The following FAM107B variants were observed in gnomAD, a reference collection of about 807,000 sequenced individuals.
The protein encoded by FAM107B is protein FAM107B.
FAM107B carries 21 observed loss-of-function variants against 31.5 expected under a neutral mutation model. That is an observed-to-expected ratio of 0.67 (90% CI 0.47 to 0.96). The LOEUF is 0.96. Ranked by LOEUF, FAM107B falls within the 40% of genes least tolerant of loss-of-function variation. The pLI, the probability that FAM107B is intolerant of heterozygous loss-of-function variation, is 0.00. For missense variants in FAM107B, 452 were observed against 377.1 expected, an observed-to-expected ratio of 1.20 and a Z score of -1.64; for synonymous variants, 157 against 141.5, an observed-to-expected ratio of 1.11 and a Z score of -0.78.
chr10:14,530,587 C>T, intron 2 of FAM107B, 72 bp from the exon 3 acceptor site: 1 of 1,425,604 alleles, frequency 7.0e-7, no homozygotes, highest in Non-Finnish European at 9.7e-7. Flanking sequence ...CAGAGGCCCA[C>T]AGAGCTGTGC....
intron 1 of FAM107B, among the ~76,000 whole-genome samples, chr10:14,669,535 G>A (rs963585318): frequency 6.6e-6 from 1 of 151,948 alleles, no homozygotes; most frequent in African/African-American, 2.4e-5. Flanking sequence ...AAGAAAATGT[G>A]GTAAATATAC....
chr10:14,727,132 T>C (rs1856053532), intron 1 of FAM107B, among the ~76,000 whole-genome samples: 1 of 151,916 alleles, frequency 6.6e-6, no homozygotes, highest in South Asian at 2.1e-4. Context: ...TGACAGGAGG[T>C]GGAGCTCAGG....
intron 1 of FAM107B, among the ~76,000 whole-genome samples, chr10:14,760,483 C>T (rs906241974): frequency 6.6e-5 from 10 of 150,460 alleles, no homozygotes; most frequent in African/African-American, 2.5e-4. Context: ...CAAACAGATG[C>T]ATTTACCTTA....
At chr10:14,750,041 G>A (rs868523443) in intron 1 of FAM107B, among the ~76,000 whole-genome samples, 8 of 152,290 alleles carry the variant, frequency 5.3e-5, no homozygotes, top group South Asian at 4.1e-4. Context: ...AGTTGGAAGC[G>A]AACAGCTCCA....
chr10:14,572,730 A>G (rs1851308383), intron 2 of FAM107B, among the ~76,000 whole-genome samples: 2 of 47,368 alleles, frequency 4.2e-5, no homozygotes, highest in Non-Finnish European at 9.3e-5. Flanking sequence ...TTCAAAAAAA[A>G]AAAAAAATTT....
At chr10:14,558,814 G>A (rs373991218) in intron 2 of FAM107B, among the ~76,000 whole-genome samples, 145 of 152,218 alleles carry the variant, frequency 9.5e-4, no homozygotes, top group African/African-American at 3.4e-3. Flanking sequence ...GTGAAAATGT[G>A]CCTGATGAAC....
chr10:14,667,749 G>A lies in FAM107B; in HGVS notation c.412-58C>T, dbSNP rs369049522. The A allele has an allele frequency of 9.7e-5, 151 of 1,563,864 alleles. No individual in the cohort carries two copies. The African/African-American group carries it at 1.9e-3, about 19-fold the overall frequency. On this transcript the variant is annotated intron_variant, in intron 1 of 4. Coordinates refer to ENST00000181796, the MANE Select transcript of FAM107B (RefSeq NM_031453.4). ...GGAGAAAGTAAAAATATGCATTAAT[G>A]TAAGGCAATACTTTTTGCAAGCCTA...
At chr10:14,609,743 G>A (rs1224015294) in intron 2 of FAM107B, among the ~76,000 whole-genome samples, 2 of 152,228 alleles carry the variant, frequency 1.3e-5, no homozygotes, top group Non-Finnish European at 2.9e-5. Context: ...AACTGGAGAA[G>A]TTGTGTGTAT....
intron 1 of FAM107B, among the ~76,000 whole-genome samples, chr10:14,678,249 C>T (rs748618227): frequency 2.0e-5 from 3 of 152,108 alleles, no homozygotes; most frequent in Non-Finnish European, 4.4e-5. Flanking sequence ...AATAAGGTAA[C>T]GAAGTACCTC....
intron 2 of FAM107B, chr10:14,548,678 A>G: frequency 1.0e-6 from 1 of 983,238 alleles, no homozygotes; most frequent in Non-Finnish European, 1.2e-6. Context: ...GCCTTCCTCC[A>G]TCGCCTCATT....
intron 2 of FAM107B, among the ~76,000 whole-genome samples, chr10:14,540,256 T>C (rs1435276418): frequency 6.6e-6 from 1 of 152,256 alleles, no homozygotes; most frequent in African/African-American, 2.4e-5. Context: ...GCAGTGTCAC[T>C]TGGCCTGTCA....
chr10:14,535,488 A>C (rs1231109001), intron 2 of FAM107B, among the ~76,000 whole-genome samples: 1 of 152,234 alleles, frequency 6.6e-6, no homozygotes, highest in African/African-American at 2.4e-5. Flanking sequence ...GATTTCTTCA[A>C]AACTGTAACT....
intron 2 of FAM107B, chr10:14,556,527 G>A (rs571679408): frequency 9.9e-5 from 50 of 505,514 alleles, no homozygotes; most frequent in East Asian, 9.1e-4. Context: ...AAAGCCGTGC[G>A]CAACGTTTAG....
At chr10:14,727,880 T>C (rs1856072978) in intron 1 of FAM107B, among the ~76,000 whole-genome samples, 1 of 152,206 alleles carries the variant, frequency 6.6e-6, no homozygotes, top group African/African-American at 2.4e-5. Flanking sequence ...AATAGAAAAG[T>C]TCTGTGTAGA....
Position 14,519,861 on chromosome 10 carries a change from G to A in FAM107B, c.*1329C>T, listed in dbSNP as rs1245376167. On this transcript the variant is annotated 3_prime_UTR_variant, in exon 5 of 5. Coordinates refer to ENST00000181796, the MANE Select transcript of FAM107B (RefSeq NM_031453.4). ...CTCAACAATTCTTCGGTATCACCCA[G>A]GCAAAAGGTACCGATGCCCACACTA... The A allele has an allele frequency of 1.3e-5, 2 of 152,484 alleles. No individual in the cohort carries two copies. Among genetic ancestry groups the A allele is most frequent in the East Asian group, 3.9e-4 (2 of 5,194 alleles). The allele number at this position is 152,484 out of a possible 1,614,324, so 9.4% of individuals were successfully genotyped here.
intron 2 of FAM107B, among the ~76,000 whole-genome samples, chr10:14,559,508 T>TA (rs1850046857): frequency 6.7e-6 from 1 of 149,374 alleles, no homozygotes. Context: ...AAGGGTCCCC[T>TA]AAGCAATTTC....
chr10:14,730,315 G>C (rs1330877146), intron 1 of FAM107B, among the ~76,000 whole-genome samples: 1 of 152,204 alleles, frequency 6.6e-6, no homozygotes, highest in Non-Finnish European at 1.5e-5. Context: ...AGTTTAATGT[G>C]AAACCAAAGA....
chr10:14,744,067 C>T (rs946362694), intron 1 of FAM107B, among the ~76,000 whole-genome samples: 3 of 151,388 alleles, frequency 2.0e-5, no homozygotes, highest in Non-Finnish European at 4.4e-5. Context: ...GAGGTCCTTC[C>T]CTTGTTAGCT....
chr10:14,705,791 T>C (rs1033007280), intron 1 of FAM107B, among the ~76,000 whole-genome samples: 2 of 151,940 alleles, frequency 1.3e-5, no homozygotes, highest in Admixed American at 1.3e-4. Context: ...AGATGGAGGG[T>C]GGTGATGACT....
Sources: allele counts gnomAD v4.1 joint callset (sites outside exome capture counted in the v4.1 genomes callset), GRCh38; gene constraint gnomAD v4.1.1; transcripts MANE v1.5; gene names NCBI Gene and HGNC (gene_info 2026-07-23, HGNC 2026-07-21).